Variants in PAXIP1 observed in about 807,000 individuals in gnomAD.
PAXIP1 encodes PAX-interacting protein 1.
In PAXIP1, 19 loss-of-function variants were observed where a neutral mutation model predicts 140.6. That is an observed-to-expected ratio of 0.14 (90% CI 0.09 to 0.20). The LOEUF is 0.20. Among genes scored for constraint, PAXIP1 ranks in the 10% least tolerant of loss-of-function variants. The pLI is 1.00. For synonymous variants in PAXIP1, 442 were observed against 444.6 expected, an observed-to-expected ratio of 0.99 and a Z score of 0.07; for missense variants, 920 against 1,208.6, an observed-to-expected ratio of 0.76 and a Z score of 3.54.
chr7:154,967,022 C>T (rs1809056312), intron 8 of PAXIP1, among the ~76,000 whole-genome samples: 1 of 152,206 alleles, frequency 6.6e-6, no homozygotes, highest in Admixed American at 6.5e-5. Flanking sequence ...ATCACCTCTC[C>T]CAGCAGACTT....
At chr7:154,967,409 T>G (rs1809072793) in intron 8 of PAXIP1, 1 of 159,234 alleles carries the variant, frequency 6.3e-6, no homozygotes, top group South Asian at 1.9e-4. Context: ...GTTTCACAAT[T>G]GGGCTGGAAG....
intron 12 of PAXIP1, among the ~76,000 whole-genome samples, chr7:154,960,191 G>A (rs1488775128): frequency 1.3e-5 from 2 of 152,188 alleles, no homozygotes; most frequent in African/African-American, 4.8e-5. Context: ...CAAAGCAAAC[G>A]TTGTGTCGAA....
At position 154,973,725 on chromosome 7, in the gene PAXIP1, C is replaced by T. The variant is rs1170848506; in HGVS notation, c.1074+1971G>A. On this transcript the variant is annotated intron_variant, in intron 6 of 20. Coordinates refer to ENST00000404141, the MANE Select transcript of PAXIP1 (RefSeq NM_007349.4). This position sits in a 1 kb window ranked among gnomAD's most constrained non-coding sequence, Gnocchi z 4.0. The stretch of plus-strand genomic sequence containing the variant: ...CTATTATCATACCCAATAAAATGAT[C>T]ATTGTCAACATCACCTTATACCTAC... 6.6e-6 allele frequency among the ~76,000 whole-genome samples: 1 copy of T among 152,202 alleles called. No homozygotes were observed. The highest frequency in any genetic ancestry group is 1.5e-5 in the Non-Finnish European group (1 of 68,036).
intron 5 of PAXIP1, among the ~76,000 whole-genome samples, chr7:154,981,093 C>A (rs1413949399): frequency 6.6e-6 from 1 of 151,976 alleles, no homozygotes; most frequent in Non-Finnish European, 1.5e-5. Context: ...TGCACCCCAG[C>A]CTGGGCGACA....
At chr7:154,998,805 C>T (rs1038410867) in intron 1 of PAXIP1, 21 bp from the exon 2 acceptor site, 21 of 1,600,014 alleles carry the variant, frequency 1.3e-5, no homozygotes, top group Admixed American at 3.5e-5. Context: ...AGAAAATCCA[C>T]ACAAATTAAA....
Position 154,946,301 on chromosome 7 carries a change from T to C in PAXIP1, c.3194+64A>G. On this transcript the variant is annotated intron_variant, in intron 20 of 20. Transcript: ENST00000404141. This position sits in a 1 kb window ranked among gnomAD's most constrained non-coding sequence, Gnocchi z 4.9. ...CAAAACAGGAAAGGTACTGCCTTATTAACCTGGGAAATCCATTTCATATCT... is the reference window on the plus strand; with the variant it reads ...CAAAACAGGAAAGGTACTGCCTTATCAACCTGGGAAATCCATTTCATATCT... The C allele has an allele frequency of 1.2e-6, 2 of 1,611,708 alleles. No homozygotes were observed. Among genetic ancestry groups the C allele is most frequent in the Non-Finnish European group, 1.7e-6 (2 of 1,178,382 alleles).
At chr7:154,961,804 C>T (rs1808765453) in intron 10 of PAXIP1, among the ~76,000 whole-genome samples, 156 bp from the exon 11 acceptor site, 1 of 152,126 alleles carries the variant, frequency 6.6e-6, no homozygotes, top group African/African-American at 2.4e-5. Flanking sequence ...CTTTCAAGAC[C>T]AGAACTGTAT....
Position 154,946,700 on chromosome 7 carries a change from G to A in PAXIP1, c.3036C>T (p.Leu1012=), listed in dbSNP as rs765292789. Residue 1012 remains leucine, a synonymous_variant, in exon 18 of 21, where the codon CTC becomes CTT. Transcript: ENST00000404141. This position sits in a 1 kb window ranked among gnomAD's most constrained non-coding sequence, Gnocchi z 4.9. ...CCACCGAGTTCTGCTTGTGCTCCAT[G>A]AGCTTCCGGAAAGATGGCTGCTTGG... ...VLSKQPSFRK[L]MEHKQNSSLS... 3.7e-6 allele frequency: 6 copies of A among 1,613,570 alleles called. No homozygotes were observed. The highest frequency in any genetic ancestry group is 3.3e-5 in the Admixed American group (2 of 59,966).
At chr7:154,955,474 A>G in intron 15 of PAXIP1, 55 bp downstream of exon 15, 1 of 1,000,256 alleles carries the variant, frequency 1.0e-6, no homozygotes, top group Non-Finnish European at 1.6e-6. Context: ...TGAAGTAAAT[A>G]TATACAAAAA....
At chr7:154,993,844 A>G (rs1810458182) in intron 2 of PAXIP1, 75 bp from the exon 3 acceptor site, 1 of 1,053,588 alleles carries the variant, frequency 9.5e-7, no homozygotes, top group Non-Finnish European at 1.4e-6. Context: ...TGTTGTTCTT[A>G]GAAATTAAAA....
At chr7:154,992,573 C>T (rs1270552621) in intron 3 of PAXIP1, among the ~76,000 whole-genome samples, 4 of 149,266 alleles carry the variant, frequency 2.7e-5, no homozygotes, top group African/African-American at 7.5e-5. Context: ...CCAGCCTGGG[C>T]GACAGAGCAA....
chr7:154,999,437 T>C (rs894328956), intron 1 of PAXIP1, among the ~76,000 whole-genome samples: 2 of 152,130 alleles, frequency 1.3e-5, no homozygotes, highest in Admixed American at 6.5e-5. Context: ...AAAGAAAGGA[T>C]TGGGTGGGCT....
At chr7:154,949,117 A>T (rs894966067) in intron 16 of PAXIP1, 13 of 152,340 alleles carry the variant, frequency 8.5e-5, no homozygotes, top group African/African-American at 3.1e-4. Context: ...ATAATAAGGC[A>T]GCTCAAACCC....
intron 3 of PAXIP1, among the ~76,000 whole-genome samples, chr7:154,992,603 A>T (rs912271254): frequency 3.3e-5 from 5 of 152,066 alleles, no homozygotes; most frequent in Non-Finnish European, 7.4e-5. Flanking sequence ...TCAAAAAAAA[A>T]AAAAAGATCT....
chr7:154,944,979 CTTCTTT>C (rs1013892215), intron 20 of PAXIP1: 3 of 128,220 alleles, frequency 2.3e-5, no homozygotes, highest in Admixed American at 9.0e-5. Context: ...GCAAATTTTA[CTTCTTT>C]TTTTTTTTTT....
chr7:154,961,078 CT>C lies in PAXIP1; in HGVS notation c.2250-2del. On this transcript the variant is annotated splice_acceptor_variant, in intron 11 of 20. Transcript: ENST00000404141. LOFTEE classifies it high-confidence loss of function. ...TTTTTCATACTTTAAACCAGTTGGT[CT>C]TTTTATTTTTTGAGGAGAAAACATA... 1 of 1,543,084 alleles carries C rather than the reference CT, an allele frequency of 6.5e-7. No individual in the cohort carries two copies. The highest frequency in any genetic ancestry group is 8.7e-7 in the Non-Finnish European group (1 of 1,146,366).
chr7:154,985,128 A>G (rs1206873018), intron 4 of PAXIP1, among the ~76,000 whole-genome samples: 5 of 152,214 alleles, frequency 3.3e-5, no homozygotes, highest in Non-Finnish European at 7.3e-5. Context: ...CAGCGTAATT[A>G]AGAATGCTCT....
chr7:154,954,163 A>T lies in PAXIP1; in HGVS notation c.2821+92T>A. 1 of 918,304 alleles carries T rather than the reference A, an allele frequency of 1.1e-6. No homozygotes were observed. The highest frequency in any genetic ancestry group is 1.5e-6 in the Non-Finnish European group (1 of 647,346). The allele number at this position is 918,304 out of a possible 1,614,324, so 56.9% of individuals were successfully genotyped here. ...TGAATAACTATCACATAGTTTAAAA[A>T]TTAAATATTTGTTGGGATGAAAAGA... On this transcript the variant is annotated intron_variant, in intron 16 of 20. Transcript: ENST00000404141. This position sits in a 1 kb window ranked among gnomAD's most constrained non-coding sequence, Gnocchi z 5.1.
chr7:154,945,410 G>A (rs1338081677), intron 20 of PAXIP1: 2 of 322,228 alleles, frequency 6.2e-6, no homozygotes, highest in African/African-American at 4.5e-5. Flanking sequence ...GAATGTCAGT[G>A]TATTTAAATG....
Sources: allele counts gnomAD v4.1 joint callset (sites outside exome capture counted in the v4.1 genomes callset), GRCh38; gene constraint gnomAD v4.1.1; non-coding constraint Gnocchi (gnomAD v3.1); transcripts MANE v1.5; gene names NCBI Gene and HGNC (gene_info 2026-07-23, HGNC 2026-07-21).